SAP130: variants seen among roughly 807,000 people sequenced by gnomAD.
SAP130 encodes the protein Sin3A associated protein 130, also known as histone deacetylase complex subunit SAP130.
SAP130 carries 16 observed loss-of-function variants against 103.2 expected under a neutral mutation model. The ratio of observed to expected loss-of-function variants is 0.16; its 90% CI spans 0.10 to 0.24. The LOEUF is 0.24. SAP130 is among the 10% of genes least tolerant of loss of function. The pLI is 1.00. For missense variants in SAP130, 990 were observed against 1,359.7 expected (o/e 0.73, Z 4.28); for synonymous variants, 477 against 497.0 (o/e 0.96, Z 0.53).
At chr2:127,967,263 T>A (rs1416649618) in intron 15 of SAP130, among the ~76,000 whole-genome samples, 1 of 152,220 alleles carries the variant, frequency 6.6e-6, no homozygotes, top group African/African-American at 2.4e-5. Flanking sequence ...TGTTAAGTGT[T>A]CATACCACAA....
At chr2:128,007,761 T>C (rs1182896635) in intron 7 of SAP130, among the ~76,000 whole-genome samples, 1 of 152,174 alleles carries the variant, frequency 6.6e-6, no homozygotes, top group Non-Finnish European at 1.5e-5. Flanking sequence ...AACATAATTT[T>C]CTTCAGAGTT....
chr2:128,002,081 A>C (rs2105100511), intron 7 of SAP130, among the ~76,000 whole-genome samples: 1 of 152,104 alleles, frequency 6.6e-6, no homozygotes, highest in South Asian at 2.1e-4. Flanking sequence ...CGCGTGCCAC[A>C]ATGCCTGGCT....
At chr2:127,957,930 G>A (rs1447191860) in intron 15 of SAP130, among the ~76,000 whole-genome samples, 1 of 152,092 alleles carries the variant, frequency 6.6e-6, no homozygotes, top group Non-Finnish European at 1.5e-5. Context: ...AAATTGAGTA[G>A]CAGAAAACAA....
intron 13 of SAP130, among the ~76,000 whole-genome samples, chr2:127,988,430 A>T (rs993605287): frequency 3.8e-3 from 128 of 34,042 alleles, no homozygotes; most frequent in Non-Finnish European, 6.4e-3. Context: ...TTGTCTTTTT[A>T]AAAAAAAAAA....
intron 10 of SAP130, among the ~76,000 whole-genome samples, chr2:127,997,573 C>A (rs913947123): frequency 6.6e-6 from 1 of 152,168 alleles, no homozygotes; most frequent in Non-Finnish European, 1.5e-5. Flanking sequence ...CACTGAAGAT[C>A]GCATCTATTG....
At position 128,000,325 on chromosome 2, in the gene SAP130, C is replaced by G. The variant is rs1344802887; in HGVS notation, c.999G>C (p.Gln333His). The G allele has an allele frequency of 1.2e-6, 2 of 1,614,076 alleles. No individual in the cohort carries two copies. The highest frequency in any genetic ancestry group is 1.7e-6 in the Non-Finnish European group (2 of 1,180,042). Residue 333 changes from glutamine to histidine, a missense_variant, in exon 8 of 21, where the codon CAG becomes CAC. Coordinates refer to ENST00000643581, the MANE Select transcript of SAP130 (RefSeq NM_001330301.2). ...SHPALGTPKQ[Q>H]LHTMAQKTIF... ...GTTTTACCTGAGCCATTGTATGAAG[C>G]TGCTGTTTTGGCGTCCCTAATGCAG...
Position 128,017,859 on chromosome 2 carries a change from T to C in SAP130, c.169A>G (p.Ser57Gly), listed in dbSNP as rs779512845. ...EVSAREHMSS[S>G]SSLQSREEKQ... The stretch of plus-strand genomic sequence containing the variant: ...TCCTCCCGGGACTGGAGGGAGCTGC[T>C]GGAACTCATGTGCTCCCTGGCACTG... The change falls in exon 3 of 21, where the codon AGC becomes GGC. Residue 57 changes from serine (S) to glycine (G), a missense_variant. Physicochemically the swap from Ser to Gly is moderately conservative, Grantham distance 56. This residue lies in a region of SAP130 where 167 missense variants were observed against 187.4 expected (regional missense o/e 0.89). Coordinates refer to ENST00000643581, the MANE Select transcript of SAP130 (RefSeq NM_001330301.2). 2.6e-5 allele frequency: 42 copies of C among 1,614,114 alleles called. No individual in the cohort carries two copies. Among genetic ancestry groups the C allele is most frequent in the Admixed American group, 1.8e-4 (11 of 60,004 alleles).
At chr2:127,997,203 T>G (rs986379033) in intron 10 of SAP130, among the ~76,000 whole-genome samples, 2 of 152,218 alleles carry the variant, frequency 1.3e-5, no homozygotes, top group African/African-American at 2.4e-5. Flanking sequence ...GCTCCAAATG[T>G]GTACTCCTTT....
At position 127,986,707 on chromosome 2, in the gene SAP130, T is replaced by C; in HGVS notation, c.1958+78A>G. 3.6e-6 allele frequency: 5 copies of C among 1,388,984 alleles called. No homozygotes were observed. In the South Asian group the frequency reaches 6.5e-5, roughly 18 times the overall value. 86.0% of individuals were successfully genotyped at this position (1,388,984 alleles called of 1,614,324 possible). On this transcript the variant is annotated intron_variant, in intron 14 of 20. Transcript: ENST00000643581. The surrounding 1 kb of genome is among the most constrained non-coding windows in gnomAD (Gnocchi z 4.7). ...ATGAGAGATGAGTTTGATACCAGCA[T>C]TAGATAAGAGTGCCTATTATGTATA... is the stretch of plus-strand genomic sequence containing the variant.
intron 2 of SAP130, among the ~76,000 whole-genome samples, chr2:128,023,741 C>T (rs576276691): frequency 6.6e-6 from 1 of 152,290 alleles, no homozygotes; most frequent in African/African-American, 2.4e-5. Context: ...CATGCTACTG[C>T]ACTCCAGCCT....
chr2:127,956,661 C>T (rs1573647108), intron 15 of SAP130, among the ~76,000 whole-genome samples: 2 of 139,952 alleles, frequency 1.4e-5, no homozygotes, highest in East Asian at 4.2e-4. Context: ...ATGTAACAAA[C>T]CTGCACATTG....
At chr2:128,018,138 C>T (rs571486383) in intron 2 of SAP130, among the ~76,000 whole-genome samples, 1 of 151,922 alleles carries the variant, frequency 6.6e-6, no homozygotes, top group Non-Finnish European at 1.5e-5. Flanking sequence ...GATATTGTAG[C>T]CTTATGAACA....
At chr2:128,025,907 G>A (rs891619914) in intron 2 of SAP130, among the ~76,000 whole-genome samples, 7 of 152,056 alleles carry the variant, frequency 4.6e-5, no homozygotes, top group African/African-American at 1.7e-4. Context: ...TATACTCCTG[G>A]ACATTAATTA....
At chr2:127,979,852 C>T (rs554757751) in intron 14 of SAP130, among the ~76,000 whole-genome samples, 26 of 151,204 alleles carry the variant, frequency 1.7e-4, no homozygotes, top group African/African-American at 3.6e-4. Flanking sequence ...GGGTGACAGG[C>T]ATATATTCCT....
intron 1 of SAP130, chr2:128,027,316 T>G: frequency 1.4e-5 from 14 of 1,031,858 alleles, no homozygotes; most frequent in Non-Finnish European, 1.7e-5. Context: ...TGCCCCTGCC[T>G]CCCCCGCCCG....
Position 127,954,999 on chromosome 2 carries a change from C to A in SAP130, c.2409G>T (p.Met803Ile). The change falls in exon 16 of 21, where the codon ATG becomes ATT. Residue 803 changes from methionine (M) to isoleucine (I), a missense_variant. Physicochemically the swap from Met to Ile is conservative, Grantham distance 10 (BLOSUM62 1). Transcript: ENST00000643581. ...GGACGGACTTACCAGAAACTGGCCT[C>A]ATGATATCCATTGGTTCTACTTCTT... is the stretch of plus-strand genomic sequence containing the variant. ...VKEEVEPMDI[M>I]RPVSAVPPLA... The A allele has an allele frequency of 6.2e-7, 1 of 1,608,874 alleles. No individual in the cohort carries two copies. The highest frequency in any genetic ancestry group is 8.5e-7 in the Non-Finnish European group (1 of 1,176,850).
intron 15 of SAP130, among the ~76,000 whole-genome samples, chr2:127,973,381 C>T (rs763437552): frequency 1.3e-5 from 2 of 152,116 alleles, no homozygotes; most frequent in African/African-American, 4.8e-5. Context: ...TACAGGCATG[C>T]GCCACCACGC....
intron 2 of SAP130, 136 bp from the exon 3 acceptor site, chr2:128,018,051 G>A (rs1684898723): frequency 4.6e-6 from 3 of 652,476 alleles, no homozygotes; most frequent in Non-Finnish European, 7.8e-6. Context: ...TTCTTAACAA[G>A]GTCAATATGG....
chr2:128,007,440 C>T (rs1322212397), intron 7 of SAP130, among the ~76,000 whole-genome samples: 1 of 152,180 alleles, frequency 6.6e-6, no homozygotes, highest in Non-Finnish European at 1.5e-5. Flanking sequence ...GCAGGGGCTC[C>T]TGGAGCCAAG....
Sources: gnomAD v4.1 joint callset for allele counts (sites outside exome capture counted in the v4.1 genomes callset) on GRCh38, gnomAD v4.1.1 for gene constraint, gnomAD v4.1.1 regional missense constraint, Gnocchi (gnomAD v3.1) non-coding constraint, MANE v1.5 for transcripts, NCBI Gene and HGNC (gene_info 2026-07-23, HGNC 2026-07-21) for gene names.